The following SYNRG variants were observed in gnomAD, a reference collection of about 807,000 sequenced individuals.
SYNRG encodes the protein AP1 gamma subunit binding protein 1.
A neutral mutation model predicts 130.9 loss-of-function variants in SYNRG; 37 were observed. That is an observed-to-expected ratio of 0.28 (90% CI 0.22 to 0.37). The LOEUF is 0.37. Ranked by LOEUF, SYNRG falls within the 10% of genes least tolerant of loss-of-function variation. SYNRG has a pLI of 1.00. For missense variants in SYNRG, 1,338 were observed against 1,588.9 expected, an observed-to-expected ratio of 0.84 and a Z score of 2.68; for synonymous variants, 539 against 568.1, an observed-to-expected ratio of 0.95 and a Z score of 0.73.
chr17:37,572,705 C>T (rs1445477968), intron 8 of SYNRG, among the ~76,000 whole-genome samples: 1 of 152,138 alleles, frequency 6.6e-6, no homozygotes, highest in Non-Finnish European at 1.5e-5. Context: ...TGAGAGAAAA[C>T]ACCATTGGAG....
intron 19 of SYNRG, 136 bp from the exon 20 acceptor site, chr17:37,520,784 C>A: frequency 1.4e-6 from 1 of 696,562 alleles, no homozygotes. Flanking sequence ...GAATTAACCT[C>A]CCACACATCC....
At chr17:37,570,920 T>A in intron 9 of SYNRG, 35 bp from the exon 10 acceptor site, 1 of 1,590,680 alleles carries the variant, frequency 6.3e-7, no homozygotes, top group South Asian at 1.1e-5. Context: ...ATTAGAGGAT[T>A]GTAAACCACA....
chr17:37,572,469 G>A (rs1468872471), intron 8 of SYNRG, among the ~76,000 whole-genome samples: 1 of 152,066 alleles, frequency 6.6e-6, no homozygotes. Context: ...TATTCAAGTG[G>A]AAATGTCCAG....
At chr17:37,525,947 C>T (rs1407103921) in intron 19 of SYNRG, among the ~76,000 whole-genome samples, 1 of 152,190 alleles carries the variant, frequency 6.6e-6, no homozygotes, top group Non-Finnish European at 1.5e-5. Context: ...GCCTGGGCAA[C>T]AGAGCGAGAC....
chr17:37,540,768 G>A, intron 15 of SYNRG: 2 of 724,048 alleles, frequency 2.8e-6, no homozygotes, highest in Admixed American at 3.9e-5. Context: ...CTGAGTAGCT[G>A]GGACTACAGG....
chr17:37,607,249 T>A (rs1447620992), intron 1 of SYNRG, among the ~76,000 whole-genome samples: 1 of 152,226 alleles, frequency 6.6e-6, no homozygotes, highest in African/African-American at 2.4e-5. Context: ...ATATTTATTT[T>A]AAAAATTTGT....
intron 1 of SYNRG, among the ~76,000 whole-genome samples, chr17:37,606,479 T>A (rs1047526223): frequency 6.6e-6 from 1 of 152,218 alleles, no homozygotes; most frequent in African/African-American, 2.4e-5. Context: ...ACCTCTTTGT[T>A]CCACTTTACT....
Position 37,571,950 on chromosome 17 carries a change from T to C in SYNRG, c.939A>G (p.Pro313=). 1 of 1,613,402 alleles carries C rather than the reference T, an allele frequency of 6.2e-7. No individual in the cohort carries two copies. Among genetic ancestry groups the C allele is most frequent in the South Asian group, 1.1e-5 (1 of 90,784 alleles). Residue 313 remains proline (P), a synonymous_variant, in exon 9 of 22, where the codon CCA becomes CCG. Transcript: ENST00000612223. ...ACAGTTTGGCAGTATCTATTCCAGT[T>C]GGAGTCATTGTGGTTTCTAAGATTT... ...YKKILETTMT[P]TGIDTAKLYP...
At chr17:37,574,297 A>C (rs2060646345) in intron 8 of SYNRG, among the ~76,000 whole-genome samples, 2 of 152,198 alleles carry the variant, frequency 1.3e-5, no homozygotes. Flanking sequence ...AGAAACTATG[A>C]AACTACTAAA....
At chr17:37,540,600 G>A (rs2057659360) in intron 15 of SYNRG, 57 bp from the exon 16 acceptor site, 2 of 1,489,334 alleles carry the variant, frequency 1.3e-6, no homozygotes, top group Admixed American at 2.0e-5. Flanking sequence ...AGTTCAGGCA[G>A]AGGCTCTTCC....
chr17:37,563,644 CA>C (rs1278125998), intron 11 of SYNRG, among the ~76,000 whole-genome samples: 3 of 152,092 alleles, frequency 2.0e-5, no homozygotes, highest in Non-Finnish European at 4.4e-5. Context: ...TCTCCTGCCT[CA>C]GCATCCCAAG....
Position 37,542,024 on chromosome 17 carries a change from G to T in SYNRG, c.3150C>A (p.Ser1050=), listed in dbSNP as rs1411654837. 1 of 1,614,016 alleles carries T rather than the reference G, an allele frequency of 6.2e-7. No homozygotes were observed. Among genetic ancestry groups the T allele is most frequent in the Non-Finnish European group, 8.5e-7 (1 of 1,180,026 alleles). The change falls in exon 15 of 22, where the codon TCC becomes TCA. Residue 1050 remains serine, a synonymous_variant. Transcript: ENST00000612223. ...GCTCACTTTTGATCATTTCTTCACT[G>T]GATTTCATTTTGCTTTGTGAAGTGG... ...LVATSQSKMK[S]SEEMIKSELA...
intron 14 of SYNRG, among the ~76,000 whole-genome samples, chr17:37,544,242 G>A (rs1339653242): frequency 1.3e-5 from 2 of 151,250 alleles, no homozygotes; most frequent in Non-Finnish European, 2.9e-5. Flanking sequence ...AAATTCTGTG[G>A]TGCAATGGTA....
At chr17:37,548,840 A>AC (rs1174363673) in intron 14 of SYNRG, among the ~76,000 whole-genome samples, 3 of 148,362 alleles carry the variant, frequency 2.0e-5, no homozygotes, top group African/African-American at 7.5e-5. Context: ...AAAAAAAAAA[A>AC]AAACACACAA....
chr17:37,576,284 TAC>T, intron 8 of SYNRG, 55 bp downstream of exon 8: 1 of 1,536,064 alleles, frequency 6.5e-7, no homozygotes, highest in Non-Finnish European at 9.0e-7. Context: ...CAACTACATT[TAC>T]AATATTTAAA....
At chr17:37,600,924 G>A (rs963699054) in intron 1 of SYNRG, 1 of 166,682 alleles carries the variant, frequency 6.0e-6, no homozygotes, top group Non-Finnish European at 1.3e-5. Flanking sequence ...AATCTTGAAG[G>A]AAAATAGAAG....
chr17:37,603,738 G>A (rs2063498334), intron 1 of SYNRG, among the ~76,000 whole-genome samples: 1 of 152,196 alleles, frequency 6.6e-6, no homozygotes, highest in South Asian at 2.1e-4. Context: ...TGTCACCCAG[G>A]CTTTGTGGTT....
At chr17:37,559,292 T>C (rs982349223) in intron 13 of SYNRG, among the ~76,000 whole-genome samples, 16 of 152,190 alleles carry the variant, frequency 1.1e-4, no homozygotes, top group African/African-American at 3.9e-4. Flanking sequence ...TTTAATAATG[T>C]TATTCTAGAA....
chr17:37,603,499 T>C (rs896217213), intron 1 of SYNRG, among the ~76,000 whole-genome samples: 3 of 152,178 alleles, frequency 2.0e-5, no homozygotes, highest in Non-Finnish European at 4.4e-5. Flanking sequence ...AATGAATTTC[T>C]CAAATAATAA....
Sources: allele counts gnomAD v4.1 joint callset (sites outside exome capture counted in the v4.1 genomes callset), GRCh38; gene constraint gnomAD v4.1.1; transcripts MANE v1.5; gene names NCBI Gene and HGNC (gene_info 2026-07-23, HGNC 2026-07-21).